The following SMPX variants were observed in gnomAD, a reference collection of about 807,000 sequenced individuals.
SMPX encodes small muscle protein X-linked.
Under a neutral mutation model 6.3 loss-of-function variants are expected in SMPX, and 2 were observed. The ratio of observed to expected loss-of-function variants is 0.32; its 90% CI spans 0.13 to 0.99. The LOEUF is 0.99. SMPX is among the 50% of genes least tolerant of loss of function. The pLI is 0.49. For missense variants in SMPX, 60 were observed against 66.8 expected (o/e 0.90, Z 0.36); for synonymous variants, 32 against 24.7 (o/e 1.30, Z -0.88).
At chrX:21,737,930 A>C (rs1293505556) in intron 3 of SMPX, among the ~76,000 whole-genome samples, 1 of 112,577 alleles carries the variant, frequency 8.9e-6, no homozygotes, top group Non-Finnish European at 1.9e-5. Flanking sequence ...ATTTCCACAT[A>C]ACTTAGAAAA....
At chrX:21,731,455 AATGTGTGTATGTGTACACATACACAT>A (rs2092803359) in intron 4 of SMPX, among the ~76,000 whole-genome samples, 2 of 79,644 alleles carry the variant, frequency 2.5e-5, no homozygotes, top group Admixed American at 1.3e-4. Context: ...ACATACACAT[AATGTGTGTATGTGTACACATACACAT>A]TATGTGTGTA....
chrX:21,750,967 G>GACTAAAGGTGA (rs2092826912), intron 2 of SMPX, among the ~76,000 whole-genome samples: 1 of 112,162 alleles, frequency 8.9e-6, no homozygotes, highest in Non-Finnish European at 1.9e-5. Context: ...CAGAAAGGTG[G>GACTAAAGGTGA]ACTAAAGGTG....
intron 4 of SMPX, among the ~76,000 whole-genome samples, chrX:21,723,357 G>A (rs1472827868): frequency 1.8e-5 from 2 of 111,614 alleles, no homozygotes; most frequent in African/African-American, 3.3e-5. Flanking sequence ...CCCACAGGAT[G>A]CTGTCCTTGG....
intron 4 of SMPX, among the ~76,000 whole-genome samples, chrX:21,720,901 T>G (rs1182885843): frequency 3.6e-5 from 4 of 112,596 alleles, no homozygotes; most frequent in African/African-American, 1.3e-4. Flanking sequence ...AGACTGAATT[T>G]GTTAAAAGAA....
chrX:21,754,176 G>T, intron 2 of SMPX, 70 bp downstream of exon 2: 1 of 901,644 alleles, frequency 1.1e-6, no homozygotes, highest in Non-Finnish European at 1.6e-6. Context: ...TTCACCATCA[G>T]CTAGGAGTGA....
intron 4 of SMPX, among the ~76,000 whole-genome samples, chrX:21,728,590 T>C (rs901253261): frequency 8.9e-6 from 1 of 112,787 alleles, no homozygotes; most frequent in Non-Finnish European, 1.9e-5. Flanking sequence ...CTGCAGTCTC[T>C]TTAGCCTTTG....
At chrX:21,731,809 T>C (rs1020989889) in intron 4 of SMPX, among the ~76,000 whole-genome samples, 1 of 86,113 alleles carries the variant, frequency 1.2e-5, no homozygotes, top group African/African-American at 4.6e-5. Context: ...TATGTACACA[T>C]ACATAATGTA....
intron 4 of SMPX, among the ~76,000 whole-genome samples, chrX:21,729,185 G>A (rs1182029824): frequency 8.9e-6 from 1 of 112,780 alleles, no homozygotes; most frequent in Admixed American, 9.3e-5. Context: ...TTACTGTTAA[G>A]AGATTATAAA....
Position 21,734,262 on chromosome X carries a change from G to A in SMPX, c.*14+3287C>T, listed in dbSNP as rs776282228. Among the ~76,000 whole-genome samples, 4 of 111,333 alleles carry A rather than the reference G, an allele frequency of 3.6e-5. No homozygotes were observed. In the East Asian group the frequency reaches 8.5e-4, roughly 24 times the overall value. On this transcript the variant is annotated intron_variant, in intron 4 of 4. Transcript: ENST00000379494. ...GTACCTATGCTCTGATCTAAGGGTCGGGAACAAACAGAAATGGACACAAAG... is the reference window on the plus strand; with the variant it reads ...GTACCTATGCTCTGATCTAAGGGTCAGGAACAAACAGAAATGGACACAAAG...
intron 4 of SMPX, among the ~76,000 whole-genome samples, chrX:21,717,333 CT>C (rs2092786329): frequency 8.9e-6 from 1 of 112,123 alleles, no homozygotes; most frequent in Admixed American, 9.4e-5. Context: ...GATGTGTTTG[CT>C]TGCCCTTCCA....
At chrX:21,757,264 AACTG>A (rs767589145) in intron 1 of SMPX, among the ~76,000 whole-genome samples, 25 of 111,612 alleles carry the variant, frequency 2.2e-4, no homozygotes, top group Non-Finnish European at 5.6e-5. Flanking sequence ...CAGCTGTCTG[AACTG>A]ACTAACTCCT....
intron 2 of SMPX, among the ~76,000 whole-genome samples, chrX:21,749,674 A>G (rs1310235203): frequency 8.9e-6 from 1 of 111,899 alleles, no homozygotes; most frequent in Non-Finnish European, 1.9e-5. Flanking sequence ...ACTTTTCCAA[A>G]CCTAACATTA....
At chrX:21,726,871 C>A (rs1165453408) in intron 4 of SMPX, among the ~76,000 whole-genome samples, 1 of 112,620 alleles carries the variant, frequency 8.9e-6, no homozygotes, top group Non-Finnish European at 1.9e-5. Context: ...TAAACCTATA[C>A]TTGAATCACT....
chrX:21,727,015 TC>T (rs2147379874), intron 4 of SMPX, among the ~76,000 whole-genome samples: 1 of 112,440 alleles, frequency 8.9e-6, no homozygotes, highest in South Asian at 3.7e-4. Context: ...TGTGCTAATA[TC>T]CCCTCTCACA....
chrX:21,754,465 A>G lies in SMPX; in HGVS notation c.-12-163T>C, dbSNP rs113770939. Among the ~76,000 whole-genome samples the G allele has an allele frequency of 0.086, 9,522 of 111,342 alleles. 411 individuals are homozygous for G. The highest frequency in any genetic ancestry group is 0.13 in the Middle Eastern group (29 of 216). On this transcript the variant is annotated intron_variant, in intron 1 of 4. Coordinates refer to ENST00000379494, the MANE Select transcript of SMPX (RefSeq NM_014332.3). ...AGTTACGAAGACACTCTCCTTCCTA[A>G]TGCCTCGGGTGAGGGAACACTAGAG...
chrX:21,720,401 C>T lies in SMPX; in HGVS notation c.*15-14007G>A, dbSNP rs375029900. On this transcript the variant is annotated intron_variant, in intron 4 of 4. Coordinates refer to ENST00000379494, the MANE Select transcript of SMPX (RefSeq NM_014332.3). ...AAGTAGATCCTTCAATCTTAGTCAA[C>T]AACTCACTACAACCTCATGAGGGAC... is the stretch of plus-strand genomic sequence containing the variant. Among the ~76,000 whole-genome samples, 7 of 112,399 alleles carry T rather than the reference C, an allele frequency of 6.2e-5. No individual in the cohort carries two copies. In the Middle Eastern group the frequency reaches 0.014, roughly 222 times the overall value.
At chrX:21,709,905 T>C (rs1247779621) in intron 4 of SMPX, among the ~76,000 whole-genome samples, 1 of 111,934 alleles carries the variant, frequency 8.9e-6, no homozygotes, top group East Asian at 2.8e-4. Flanking sequence ...AACTGAAGCA[T>C]GTTTTATGAG....
intron 4 of SMPX, among the ~76,000 whole-genome samples, chrX:21,734,450 A>T (rs949005626): frequency 8.9e-6 from 1 of 111,765 alleles, no homozygotes; most frequent in African/African-American, 3.3e-5. Context: ...CAGGATTGGA[A>T]GTATTGGAGG....
intron 1 of SMPX, among the ~76,000 whole-genome samples, chrX:21,756,525 T>C (rs754768566): frequency 2.8e-4 from 32 of 112,603 alleles, no homozygotes; most frequent in African/African-American, 1.0e-3. Flanking sequence ...ACAAACAGGC[T>C]GGATAACATT....
Sources: allele counts gnomAD v4.1 joint callset (sites outside exome capture counted in the v4.1 genomes callset), GRCh38; gene constraint gnomAD v4.1.1; transcripts MANE v1.5; gene names NCBI Gene and HGNC (gene_info 2026-07-23, HGNC 2026-07-21).